FBXW7: variants seen among roughly 807,000 people sequenced by gnomAD.
FBXW7 encodes F-box/WD repeat-containing protein 7.
In FBXW7, 11 loss-of-function variants were observed where a neutral mutation model predicts 86.3. The ratio of observed to expected loss-of-function variants is 0.13; its 90% CI spans 0.08 to 0.21. The LOEUF is 0.21. Ranked by LOEUF, FBXW7 falls within the 10% of genes least tolerant of loss-of-function variation. FBXW7 has a pLI of 1.00. For synonymous variants in FBXW7, 313 were observed against 297.9 expected (o/e 1.05, Z -0.52); for missense variants, 488 against 847.4 (o/e 0.58, Z 5.27).
At chr4:152,531,076 C>CAA (rs1271531680) in intron 2 of FBXW7, among the ~76,000 whole-genome samples, 3 of 152,170 alleles carry the variant, frequency 2.0e-5, no homozygotes, top group Admixed American at 1.3e-4. Flanking sequence ...CACACACACA[C>CAA]AAACATATAC....
intron 4 of FBXW7, among the ~76,000 whole-genome samples, chr4:152,354,161 G>A (rs778766244): frequency 6.6e-5 from 10 of 151,982 alleles, no homozygotes; most frequent in African/African-American, 1.9e-4. Flanking sequence ...TTAAGATAAC[G>A]TAAAATTTTA....
chr4:152,462,044 T>A (rs1187287986), intron 2 of FBXW7, among the ~76,000 whole-genome samples: 1 of 152,170 alleles, frequency 6.6e-6, no homozygotes, highest in African/African-American at 2.4e-5. Flanking sequence ...GTGTCTCCCT[T>A]ATAGTAAGCA....
chr4:152,370,627 G>A (rs1733926216), intron 4 of FBXW7, among the ~76,000 whole-genome samples: 1 of 151,852 alleles, frequency 6.6e-6, no homozygotes, highest in South Asian at 2.1e-4. Context: ...ATCTACACTT[G>A]GAGGTGCTAC....
intron 2 of FBXW7, among the ~76,000 whole-genome samples, chr4:152,428,872 T>C (rs1427725877): frequency 6.6e-6 from 1 of 152,222 alleles, no homozygotes; most frequent in African/African-American, 2.4e-5. Context: ...AATGTAAGTA[T>C]AGATTGTACT....
At chr4:152,378,431 C>G (rs771468576) in intron 4 of FBXW7, among the ~76,000 whole-genome samples, 3 of 152,162 alleles carry the variant, frequency 2.0e-5, no homozygotes, top group African/African-American at 4.8e-5. Context: ...CAAAGCTCTA[C>G]TCCATTCTCT....
chr4:152,347,500 C>T (rs1027232958), intron 5 of FBXW7, among the ~76,000 whole-genome samples: 1 of 152,110 alleles, frequency 6.6e-6, no homozygotes, highest in African/African-American at 2.4e-5. Context: ...AAAACTCAGA[C>T]ATAGAAATAC....
chr4:152,361,615 A>G (rs1433719989), intron 4 of FBXW7, among the ~76,000 whole-genome samples: 1 of 152,200 alleles, frequency 6.6e-6, no homozygotes, highest in African/African-American at 2.4e-5. Context: ...TCACTTTCTT[A>G]AAATTTATTT....
At chr4:152,366,887 C>T (rs1322122700) in intron 4 of FBXW7, among the ~76,000 whole-genome samples, 1 of 152,088 alleles carries the variant, frequency 6.6e-6, no homozygotes, top group African/African-American at 2.4e-5. Context: ...AAATGTCCAT[C>T]AATGATAGAC....
chr4:152,388,388 G>A (rs1335166470), intron 4 of FBXW7, among the ~76,000 whole-genome samples: 1 of 152,016 alleles, frequency 6.6e-6, no homozygotes, highest in African/African-American at 2.4e-5. Flanking sequence ...TAAAAGCATT[G>A]CATGTACATG....
intron 7 of FBXW7, among the ~76,000 whole-genome samples, chr4:152,336,860 T>G (rs763721347): frequency 1.3e-5 from 2 of 152,026 alleles, no homozygotes; most frequent in Admixed American, 6.6e-5. Flanking sequence ...TTAACACCAT[T>G]AGGATATTTA....
intron 4 of FBXW7, among the ~76,000 whole-genome samples, chr4:152,365,022 G>C (rs1402510803): frequency 6.6e-6 from 1 of 152,246 alleles, no homozygotes; most frequent in East Asian, 1.9e-4. Flanking sequence ...AAGATAATGA[G>C]ACAAAACAAA....
At chr4:152,475,752 T>C (rs908912637) in intron 2 of FBXW7, among the ~76,000 whole-genome samples, 1 of 152,160 alleles carries the variant, frequency 6.6e-6, no homozygotes, top group Non-Finnish European at 1.5e-5. Flanking sequence ...GCAGTAGCAC[T>C]CACAATAGCA....
At chr4:152,494,291 G>T (rs192296446) in intron 2 of FBXW7, among the ~76,000 whole-genome samples, 69 of 152,214 alleles carry the variant, frequency 4.5e-4, no homozygotes, top group Non-Finnish European at 8.4e-4. Flanking sequence ...CAAGTACTCC[G>T]GTTTTCACTG....
intron 4 of FBXW7, among the ~76,000 whole-genome samples, chr4:152,398,441 T>C (rs1239634780): frequency 6.6e-6 from 1 of 152,054 alleles, no homozygotes; most frequent in East Asian, 1.9e-4. Flanking sequence ...TTTACATCTT[T>C]GTGCTTTCTT....
Position 152,532,210 on chromosome 4 carries a change from CAA to C in FBXW7, c.-120+2729_-120+2730del, listed in dbSNP as rs530006107. Among the ~76,000 whole-genome samples, 3 of 152,324 alleles carry C rather than the reference CAA, an allele frequency of 2.0e-5. No individual in the cohort carries two copies. The South Asian group carries it at 6.2e-4, about 32-fold the overall frequency. On this transcript the variant is annotated intron_variant, in intron 2 of 13. Transcript: ENST00000281708. ...TTGCCCTAAAATTTCACATCCAAAG[CAA>C]AGTCTACTGTCCCATTTCTAAACTC...
At chr4:152,533,663 G>C (rs542792175) in intron 2 of FBXW7, among the ~76,000 whole-genome samples, 1 of 152,306 alleles carries the variant, frequency 6.6e-6, no homozygotes, top group East Asian at 1.9e-4. Context: ...ACTGAGGCTT[G>C]TCCTGATAAT....
At chr4:152,338,948 C>T (rs986998044) in intron 6 of FBXW7, among the ~76,000 whole-genome samples, 1 of 151,956 alleles carries the variant, frequency 6.6e-6, no homozygotes, top group Non-Finnish European at 1.5e-5. Context: ...ATTTCTTGTC[C>T]AAACAAGAAA....
chr4:152,453,878 T>C (rs1489310464), intron 2 of FBXW7, among the ~76,000 whole-genome samples: 1 of 152,200 alleles, frequency 6.6e-6, no homozygotes, highest in Non-Finnish European at 1.5e-5. Flanking sequence ...CCTCTATATA[T>C]ATACTGTCAC....
At chr4:152,484,961 C>CAAAA (rs369258930) in intron 2 of FBXW7, among the ~76,000 whole-genome samples, 3 of 102,982 alleles carry the variant, frequency 2.9e-5, no homozygotes, top group Admixed American at 9.9e-5. Flanking sequence ...GACTCTGTCT[C>CAAAA]AAAAAAAAAA....
Sources: allele counts gnomAD v4.1 joint callset (sites outside exome capture counted in the v4.1 genomes callset), GRCh38; gene constraint gnomAD v4.1.1; transcripts MANE v1.5; gene names NCBI Gene and HGNC (gene_info 2026-07-23, HGNC 2026-07-21).